UBE2G1: variants seen among roughly 807,000 people sequenced by gnomAD.
The protein encoded by UBE2G1 is ubiquitin-conjugating enzyme E2 G1.
In UBE2G1, 5 loss-of-function variants were observed where a neutral mutation model predicts 22.7. The ratio of observed to expected loss-of-function variants is 0.22; its 90% confidence interval spans 0.12 to 0.46. UBE2G1 has a LOEUF of 0.46. UBE2G1 is among the 20% of genes least tolerant of loss of function. The pLI is 0.99. For missense variants in UBE2G1, 88 were observed against 203.9 expected, an observed-to-expected ratio of 0.43 and a Z score of 3.46; for synonymous variants, 74 against 67.5, an observed-to-expected ratio of 1.10 and a Z score of -0.47.
intron 5 of UBE2G1, among the ~76,000 whole-genome samples, chr17:4,275,449 A>AT (rs1382606282): frequency 6.6e-6 from 1 of 152,194 alleles, no homozygotes; most frequent in Non-Finnish European, 1.5e-5. Flanking sequence ...CATTTGCCTC[A>AT]TATCTTCTCA....
chr17:4,315,558 G>A (rs559387765), intron 1 of UBE2G1, among the ~76,000 whole-genome samples: 13 of 151,644 alleles, frequency 8.6e-5, no homozygotes, highest in South Asian at 2.1e-4. Flanking sequence ...GGCTAACACC[G>A]TGAAACCCCG....
intron 1 of UBE2G1, among the ~76,000 whole-genome samples, chr17:4,339,085 T>C (rs1023149355): frequency 1.3e-5 from 2 of 152,218 alleles, no homozygotes; most frequent in African/African-American, 2.4e-5. Context: ...TTACATTTTA[T>C]GAAAATTTTT....
In UBE2G1 at chr17:4,282,814, T is replaced by C; in HGVS notation, c.*21A>G. The stretch of plus-strand genomic sequence containing the variant: ...TAAACTTACCCTGAAATAAGTGAAG[T>C]TACTAGCTGCTAAATAAATGTCACT... On this transcript the variant is annotated 3_prime_UTR_variant, in exon 5 of 6. Coordinates refer to ENST00000396981, the MANE Select transcript of UBE2G1 (RefSeq NM_003342.5). 8 of 1,600,586 alleles carry C rather than the reference T, an allele frequency of 5.0e-6. No individual in the cohort carries two copies. Among genetic ancestry groups the C allele is most frequent in the Non-Finnish European group, 6.8e-6 (8 of 1,173,316 alleles).
intron 1 of UBE2G1, among the ~76,000 whole-genome samples, chr17:4,363,591 T>C (rs1015508047): frequency 6.6e-6 from 1 of 152,182 alleles, no homozygotes; most frequent in Non-Finnish European, 1.5e-5. Flanking sequence ...ATTGTTATCT[T>C]ATTTTACTTT....
chr17:4,272,726 A>G (rs974161081), intron 5 of UBE2G1, among the ~76,000 whole-genome samples: 1 of 152,188 alleles, frequency 6.6e-6, no homozygotes, highest in African/African-American at 2.4e-5. Flanking sequence ...ACAATTTACA[A>G]TTTAGTTCCT....
At chr17:4,302,037 C>CAA (rs567475811) in intron 2 of UBE2G1, 27 of 448,918 alleles carry the variant, frequency 6.0e-5, no homozygotes, top group Non-Finnish European at 9.3e-5. Context: ...AGAACAACAA[C>CAA]AACAAAAAAA....
chr17:4,339,307 CTATT>C (rs1969684580), intron 1 of UBE2G1, among the ~76,000 whole-genome samples: 1 of 151,314 alleles, frequency 6.6e-6, no homozygotes, highest in Non-Finnish European at 1.5e-5. Flanking sequence ...AAGCGCTTCT[CTATT>C]TTTTTTTTTT....
Position 4,315,697 on chromosome 17 carries a change from G to A in UBE2G1, c.47-8574C>T, listed in dbSNP as rs570869636. Among the ~76,000 whole-genome samples, 31 of 149,800 alleles carry A rather than the reference G, an allele frequency of 2.1e-4. 1 individual carries two copies. In the South Asian group the frequency reaches 6.2e-3, roughly 30 times the overall value. On this transcript the variant is annotated intron_variant, in intron 1 of 5. Transcript: ENST00000396981. Reference sequence around the variant, plus strand: ...GGAGCTTGCAGTGAGCCGAGATCGCGCCACTGCACTCCAGCCTGGGCGAAA... The same window carrying A: ...GGAGCTTGCAGTGAGCCGAGATCGCACCACTGCACTCCAGCCTGGGCGAAA...
intron 1 of UBE2G1, among the ~76,000 whole-genome samples, chr17:4,360,053 GCT>G (rs1430850170): frequency 1.3e-5 from 2 of 151,940 alleles, no homozygotes; most frequent in Non-Finnish European, 2.9e-5. Context: ...GAAAATGTTT[GCT>G]TTTTCTGATT....
intron 1 of UBE2G1, among the ~76,000 whole-genome samples, chr17:4,314,517 G>T (rs1969345328): frequency 6.6e-6 from 1 of 152,124 alleles, no homozygotes; most frequent in South Asian, 2.1e-4. Flanking sequence ...AAAAGCAAAA[G>T]AATCAACATT....
chr17:4,353,360 A>C (rs886309580), intron 1 of UBE2G1, among the ~76,000 whole-genome samples: 4 of 152,072 alleles, frequency 2.6e-5, no homozygotes, highest in African/African-American at 9.7e-5. Flanking sequence ...AATGTGTATA[A>C]TATTGTGGTG....
intron 1 of UBE2G1, among the ~76,000 whole-genome samples, chr17:4,320,013 C>CGTGT (rs558575785): frequency 1.3e-5 from 2 of 150,280 alleles, no homozygotes; most frequent in Non-Finnish European, 3.0e-5. Flanking sequence ...AAGTGGCACA[C>CGTGT]GTGTGTGTGT....
At chr17:4,276,915 T>A (rs1055667177) in intron 5 of UBE2G1, among the ~76,000 whole-genome samples, 3 of 152,148 alleles carry the variant, frequency 2.0e-5, no homozygotes, top group Non-Finnish European at 4.4e-5. Flanking sequence ...AAAGAGCCAG[T>A]TGACCAAGCC....
intron 3 of UBE2G1, among the ~76,000 whole-genome samples, chr17:4,293,323 CTTTCT>C (rs927234989): frequency 1.3e-5 from 2 of 152,168 alleles, no homozygotes; most frequent in African/African-American, 4.8e-5. Context: ...TACTTCATTT[CTTTCT>C]TTTCTTTAGA....
intron 4 of UBE2G1, 120 bp downstream of exon 4, chr17:4,289,110 C>CAT: frequency 5.2e-6 from 1 of 192,852 alleles, no homozygotes. Context: ...AAGAGATACA[C>CAT]ACACACACAC....
Position 4,283,294 on chromosome 17 carries a change from C to T in UBE2G1, c.427-373G>A, listed in dbSNP as rs552933281. Among the ~76,000 whole-genome samples, 13 of 152,278 alleles carry T rather than the reference C, an allele frequency of 8.5e-5. No homozygotes were observed. In the South Asian group the frequency reaches 1.5e-3, roughly 17 times the overall value. On this transcript the variant is annotated intron_variant, in intron 4 of 5. Transcript: ENST00000396981. ...CTGGGAGGCCGAGGTGGGCGGATCA[C>T]GAGGTCGGGAGTTTGAGACCAGCCT...
chr17:4,303,362 AAAT>A (rs1969209172), intron 2 of UBE2G1, among the ~76,000 whole-genome samples: 2 of 152,278 alleles, frequency 1.3e-5, no homozygotes, highest in South Asian at 2.1e-4. Context: ...TTACAAAAAT[AAAT>A]AATAAAACTG....
rs376587815 is a variant in UBE2G1, at chr17:4,280,377, C to T, written c.*37+2421G>A. On this transcript the variant is annotated intron_variant, in intron 5 of 5. Transcript: ENST00000396981. ...TTTTTTTTTTTTTGAGATGGAGTCT[C>T]GCTCTGTTGCCCAGGCTGGAGTGCA... Among the ~76,000 whole-genome samples, 76 of 114,068 alleles carry T rather than the reference C, an allele frequency of 6.7e-4. No homozygotes were observed. The East Asian group carries it at 0.015, about 22-fold the overall frequency. The allele number at this position is 114,068 out of a possible 152,430, so 74.8% of individuals were successfully genotyped here. A position where few individuals can be genotyped will look rare whatever the true frequency, so the allele number is the denominator to read the frequency against.
At position 4,366,565 on chromosome 17, in the gene UBE2G1, G is replaced by A. The variant is rs1219636997; in HGVS notation, c.-249C>T. The A allele has an allele frequency of 5.1e-6, 2 of 395,758 alleles. No homozygotes were observed. The highest frequency in any genetic ancestry group is 9.0e-6 in the Non-Finnish European group (2 of 222,170). The allele number at this position is 395,758 out of a possible 1,614,324, so 24.5% of individuals were successfully genotyped here. On this transcript the variant is annotated 5_prime_UTR_variant, in exon 1 of 6. Coordinates refer to ENST00000396981, the MANE Select transcript of UBE2G1 (RefSeq NM_003342.5). Reference sequence around the variant, plus strand: ...CCCGGGCTGCCGCGGCGCGCACTGGGACTTCGCTCGCCCGCTTCCCTCCTT... The same window carrying A: ...CCCGGGCTGCCGCGGCGCGCACTGGAACTTCGCTCGCCCGCTTCCCTCCTT...
Sources: allele counts gnomAD v4.1 joint callset (sites outside exome capture counted in the v4.1 genomes callset), GRCh38; gene constraint gnomAD v4.1.1; transcripts MANE v1.5; gene names NCBI Gene and HGNC (gene_info 2026-07-23, HGNC 2026-07-21).